Variants in ZNF677 observed in about 807,000 individuals in gnomAD.
ZNF677 encodes the protein hypothetical protein MGC48625.
In ZNF677, 5 loss-of-function variants were observed where a neutral mutation model predicts 8.1. That is an observed-to-expected ratio of 0.62 (90% confidence interval 0.32 to 1.29). The LOEUF is 1.29. Ranked by LOEUF, ZNF677 falls within the 50% of genes most tolerant of loss-of-function variation. ZNF677 has a pLI of 0.05. For missense variants in ZNF677, 685 were observed against 685.9 expected (o/e 1.00, Z 0.01); for synonymous variants, 221 against 225.6 (o/e 0.98, Z 0.18).
At position 53,237,484 on chromosome 19, in the gene ZNF677, A is replaced by G. The variant is rs199860536; in HGVS notation, c.1243T>C (p.Cys415Arg). Reference protein sequence around the residue: ...CNECGKAFKQCSHLTRHQNIH... With the variant: ...CNECGKAFKQRSHLTRHQNIH... The stretch of plus-strand genomic sequence containing the variant: ...TTCTGATGCCTAGTGAGATGTGAGC[A>G]CTGCTTAAAAGCTTTGCCACACTCA... The change falls in exon 5 of 5, where the codon TGC becomes CGC. Residue 415 changes from cysteine to arginine, a missense_variant. Coordinates refer to ENST00000598513, the MANE Select transcript of ZNF677 (RefSeq NM_182609.4). 1.2e-5 allele frequency: 20 copies of G among 1,613,562 alleles called. No homozygotes were observed. Among genetic ancestry groups the G allele is most frequent in the Non-Finnish European group, 1.7e-5 (20 of 1,179,832 alleles).
At chr19:53,246,020 A>C (rs1003817362) in intron 3 of ZNF677, among the ~76,000 whole-genome samples, 4 of 148,946 alleles carry the variant, frequency 2.7e-5, no homozygotes, top group African/African-American at 1.0e-4. Flanking sequence ...TCAGGAAAAA[A>C]TAAAAATAAA....
chr19:53,251,719 T>C, intron 2 of ZNF677, 114 bp from the exon 3 acceptor site: 4 of 678,212 alleles, frequency 5.9e-6, no homozygotes, highest in South Asian at 2.0e-5. Context: ...AGCTTCCAAT[T>C]GCAACAAGAG....
At chr19:53,248,014 GT>G (rs2091174114) in intron 3 of ZNF677, among the ~76,000 whole-genome samples, 2 of 152,022 alleles carry the variant, frequency 1.3e-5, no homozygotes, top group East Asian at 3.8e-4. Context: ...TTTGCTACTT[GT>G]TTTTCACATG....
intron 4 of ZNF677, chr19:53,243,518 G>T (rs574236732): frequency 1.9e-4 from 109 of 578,120 alleles, no homozygotes; most frequent in African/African-American, 1.7e-3. Flanking sequence ...ATAAGGTTTT[G>T]TAAGTACTGA....
At chr19:53,244,441 CCT>C (rs936451994) in intron 3 of ZNF677, among the ~76,000 whole-genome samples, 2 of 152,160 alleles carry the variant, frequency 1.3e-5, no homozygotes, top group Admixed American at 6.5e-5. Flanking sequence ...TACACCACCA[CCT>C]CTGTCTAGTT....
chr19:53,241,268 C>G (rs1230557783), intron 4 of ZNF677: 1 of 152,004 alleles, frequency 6.6e-6, no homozygotes, highest in Non-Finnish European at 1.5e-5. Context: ...ACAAAAAACA[C>G]TAAGAGTATC....
At chr19:53,249,356 T>C (rs938143933) in intron 3 of ZNF677, 15 of 152,146 alleles carry the variant, frequency 9.9e-5, no homozygotes, top group African/African-American at 2.4e-4. Context: ...TGTAGTACAG[T>C]TGGCCTGCTC....
intron 3 of ZNF677, among the ~76,000 whole-genome samples, chr19:53,250,874 A>G (rs2091223833): frequency 6.6e-6 from 1 of 152,200 alleles, no homozygotes; most frequent in Non-Finnish European, 1.5e-5. Flanking sequence ...AGAATTCCCA[A>G]ATGAACAGGA....
At chr19:53,242,367 A>C (rs890391308) in intron 4 of ZNF677, 1 of 398,672 alleles carries the variant, frequency 2.5e-6, no homozygotes, top group African/African-American at 2.1e-5. Flanking sequence ...ACGGGAGTAA[A>C]ATAAAAGGGT....
Position 53,237,986 on chromosome 19 carries a change from A to G in ZNF677, c.741T>C (p.Pro247=), listed in dbSNP as rs374498719. 1 of 1,612,914 alleles carries G rather than the reference A, an allele frequency of 6.2e-7. No individual in the cohort carries two copies. Among genetic ancestry groups the G allele is most frequent in the East Asian group, 2.2e-5 (1 of 44,878 alleles). Residue 247 remains proline (P), a synonymous_variant, in exon 5 of 5, where the codon CCT becomes CCC. Coordinates refer to ENST00000598513, the MANE Select transcript of ZNF677 (RefSeq NM_182609.4). ...TTCTCCCATACTGTGTATGTAATAA[A>G]GGGTATTTCAAAATCTTCCTATATT... ...CNKYRKILKY[P]LLHTQYGRTH...
At position 53,243,360 on chromosome 19, in the gene ZNF677, AT is replaced by A. The variant is rs2091085382; in HGVS notation, c.169+383del. 6.9e-5 allele frequency: 20 copies of A among 288,104 alleles called. No homozygotes were observed. The South Asian group carries it at 1.7e-3, about 25-fold the overall frequency. 17.8% of individuals were successfully genotyped at this position (288,104 alleles called of 1,614,324 possible). A position where few individuals can be genotyped will look rare whatever the true frequency, so the allele number is the denominator to read the frequency against. On this transcript the variant is annotated intron_variant, in intron 4 of 4. Coordinates refer to ENST00000598513, the MANE Select transcript of ZNF677 (RefSeq NM_182609.4). ...ACATTACACATGGGTCTGCAAAACT[AT>A]TTCCCAAAACAATTTCATAAATTAG...
rs145005674 is a variant in ZNF677 at position 53,238,320 on chromosome 19, T to A, written c.407A>T (p.His136Leu). ...KNLTHRKDQQ[H>L]NKSSIHFSLK... ...AGAGAAATGTATTGAGGATTTATTA[T>A]GTTGTTGATCTTTTCTGTGAGTGAG... The change falls in exon 5 of 5, where the codon CAT becomes CTT. Residue 136 changes from histidine (H) to leucine (L), a missense_variant. Transcript: ENST00000598513. The A allele has an allele frequency of 6.2e-7, 1 of 1,613,532 alleles. No homozygotes were observed. Among genetic ancestry groups the A allele is most frequent in the South Asian group, 1.1e-5 (1 of 90,936 alleles).
At chr19:53,252,820 T>C (rs1389576277) in intron 2 of ZNF677, among the ~76,000 whole-genome samples, 1 of 152,086 alleles carries the variant, frequency 6.6e-6, no homozygotes, top group Non-Finnish European at 1.5e-5. Flanking sequence ...AGAAACTGAA[T>C]ACAGCTGAGC....
At chr19:53,241,580 C>T in intron 4 of ZNF677, 1 of 356,104 alleles carries the variant, frequency 2.8e-6, no homozygotes. Flanking sequence ...GTACTGCTGG[C>T]TCCAAGAGGA....
intron 3 of ZNF677, among the ~76,000 whole-genome samples, chr19:53,247,349 AC>A (rs2091161628): frequency 1.3e-5 from 2 of 152,150 alleles, no homozygotes; most frequent in African/African-American, 4.8e-5. Context: ...TTTGGGCCAC[AC>A]ATAAAATACA....
At position 53,235,981 on chromosome 19, in the gene ZNF677, G is replaced by T. The variant is rs1045202509; in HGVS notation, c.*991C>A. ...AGGCAGGTGGATCACCTGAGGTCAG[G>T]AGTTCAAGATCAGCCTGGCCAACAT... On this transcript the variant is annotated 3_prime_UTR_variant, in exon 5 of 5. Transcript: ENST00000598513. 2.8e-4 allele frequency: 42 copies of T among 152,308 alleles called. 1 individual carries two copies. The highest frequency in any genetic ancestry group is 9.9e-4 in the African/African-American group (41 of 41,450). 9.4% of individuals were successfully genotyped at this position (152,308 alleles called of 1,614,324 possible).
intron 3 of ZNF677, 124 bp from the exon 4 acceptor site, chr19:53,244,021 C>A: frequency 1.2e-6 from 1 of 840,218 alleles, no homozygotes; most frequent in Non-Finnish European, 1.8e-6. Context: ...CTTATATATC[C>A]CTAATTTTAT....
At position 53,238,147 on chromosome 19, in the gene ZNF677, T is replaced by G. The variant is rs142975687; in HGVS notation, c.580A>C (p.Ser194Arg). The change falls in exon 5 of 5, where the codon AGC becomes CGC. Residue 194 changes from serine to arginine, a missense_variant. Ser to Arg is a moderately radical substitution (Grantham distance 110). Coordinates refer to ENST00000598513, the MANE Select transcript of ZNF677 (RefSeq NM_182609.4). ...VKCFENKIGL[S>R]LQAQLAELQR... Reference sequence around the variant, plus strand: ...AGTTCAGCCAGCTGTGCCTGTAAGCTTAATCCAATTTTATTTTCAAAACAC... The same window carrying G: ...AGTTCAGCCAGCTGTGCCTGTAAGCGTAATCCAATTTTATTTTCAAAACAC... The G allele has an allele frequency of 1.1e-4, 179 of 1,613,380 alleles. No individual in the cohort carries two copies. The African/African-American group carries it at 2.1e-3, about 19-fold the overall frequency.
Position 53,251,601 on chromosome 19 carries a change from T to A in ZNF677, c.-51A>T. 4.3e-6 allele frequency: 7 copies of A among 1,612,330 alleles called. No homozygotes were observed. The highest frequency in any genetic ancestry group is 5.9e-6 in the Non-Finnish European group (7 of 1,179,012). On this transcript the variant is annotated 5_prime_UTR_variant, in exon 3 of 5. It removes the in-frame stop codon of an upstream open reading frame in the 5' UTR. Transcript: ENST00000598513. Reference sequence around the variant, plus strand: ...CCTCTGAGTTTCTTTCTCAGGTAAGTCAGTCTGTATGTCAAAAATATGTTG... The same window carrying A: ...CCTCTGAGTTTCTTTCTCAGGTAAGACAGTCTGTATGTCAAAAATATGTTG...
Sources: allele counts gnomAD v4.1 joint callset (sites outside exome capture counted in the v4.1 genomes callset), GRCh38; gene constraint gnomAD v4.1.1; transcripts MANE v1.5; gene names NCBI Gene and HGNC (gene_info 2026-07-23, HGNC 2026-07-21).